ZNF251: variants seen among roughly 807,000 people sequenced by gnomAD.
The protein encoded by ZNF251 is zinc finger protein 251.
In ZNF251, 14 loss-of-function variants were observed where a neutral mutation model predicts 13.5. That is an observed-to-expected ratio of 1.04 (90% CI 0.69 to 1.63). The LOEUF (loss-of-function observed/expected upper bound fraction) is 1.63. ZNF251 is among the 40% of genes most tolerant of loss of function. The pLI, the probability that ZNF251 is intolerant of heterozygous loss-of-function variation, is 0.00. For synonymous variants in ZNF251, 287 were observed against 295.2 expected (o/e 0.97, Z 0.28); for missense variants, 764 against 834.9 (o/e 0.92, Z 1.05).
chr8:144,755,099 A>C, intron 1 of ZNF251: 1 of 1,248,828 alleles, frequency 8.0e-7, no homozygotes, highest in Admixed American at 3.8e-5. Context: ...TGCCTGGCCA[A>C]CCTGGGGCAA....
intron 4 of ZNF251, among the ~76,000 whole-genome samples, chr8:144,737,432 G>A (rs1332839707): frequency 6.6e-5 from 10 of 152,108 alleles, no homozygotes; most frequent in East Asian, 5.8e-4. Flanking sequence ...GTGTGAACCC[G>A]GGAGGTGGAG....
intron 4 of ZNF251, among the ~76,000 whole-genome samples, chr8:144,744,665 A>C (rs2130043702): frequency 6.6e-6 from 1 of 152,344 alleles, no homozygotes. Context: ...ATGTGAGGAC[A>C]CAGTGAGAAG....
intron 4 of ZNF251, 81 bp from the exon 5 acceptor site, chr8:144,723,463 T>TA: frequency 9.3e-7 from 1 of 1,073,698 alleles, no homozygotes; most frequent in Non-Finnish European, 1.2e-6. Context: ...GAAGCTCCTA[T>TA]AAACCATCAT....
intron 4 of ZNF251, among the ~76,000 whole-genome samples, chr8:144,738,876 A>G (rs1824025773): frequency 6.6e-6 from 1 of 152,168 alleles, no homozygotes; most frequent in Non-Finnish European, 1.5e-5. Context: ...CTGTTTGGGA[A>G]GAAGTTGCCT....
intron 4 of ZNF251, among the ~76,000 whole-genome samples, chr8:144,731,342 G>T (rs908316697): frequency 6.6e-6 from 1 of 152,112 alleles, no homozygotes; most frequent in Non-Finnish European, 1.5e-5. Context: ...TTCCTCAATG[G>T]TATACTGTGT....
intron 4 of ZNF251, among the ~76,000 whole-genome samples, chr8:144,751,872 T>C (rs1824709372): frequency 6.6e-6 from 1 of 152,110 alleles, no homozygotes; most frequent in South Asian, 2.1e-4. Context: ...GAAGATATAC[T>C]ATGCTAACAG....
chr8:144,746,140 C>CT (rs1386287900), intron 4 of ZNF251, among the ~76,000 whole-genome samples: 1 of 152,144 alleles, frequency 6.6e-6, no homozygotes, highest in African/African-American at 2.4e-5. Context: ...TAGATGCTCT[C>CT]TATCAACTTG....
intron 4 of ZNF251, among the ~76,000 whole-genome samples, chr8:144,748,580 C>T (rs1413861490): frequency 2.0e-5 from 3 of 150,868 alleles, no homozygotes; most frequent in African/African-American, 4.9e-5. Context: ...TTTTTCTTTG[C>T]AATGGGGTCT....
intron 4 of ZNF251, among the ~76,000 whole-genome samples, chr8:144,725,415 CGAGTAGCTGGG>C (rs1285115080): frequency 5.9e-5 from 9 of 152,010 alleles, no homozygotes; most frequent in Non-Finnish European, 1.2e-4. Flanking sequence ...TTCAGGCTCC[CGAGTAGCTGGG>C]ACTACAGGTG....
At chr8:144,738,095 A>G (rs554960800) in intron 4 of ZNF251, among the ~76,000 whole-genome samples, 17 of 152,126 alleles carry the variant, frequency 1.1e-4, no homozygotes, top group South Asian at 4.2e-4. Flanking sequence ...ATAACCTATA[A>G]AGCAACCACC....
intron 4 of ZNF251, among the ~76,000 whole-genome samples, chr8:144,732,534 CG>C (rs1448709530): frequency 6.1e-4 from 92 of 151,736 alleles, no homozygotes; most frequent in Non-Finnish European, 1.2e-3. Context: ...TGAGCCAAGC[CG>C]GGCGCGGTGG....
intron 4 of ZNF251, among the ~76,000 whole-genome samples, chr8:144,731,880 G>T (rs1231746515): frequency 6.6e-6 from 1 of 151,342 alleles, no homozygotes; most frequent in Admixed American, 6.6e-5. Flanking sequence ...GAGTCACCAT[G>T]CCCGGCCCAA....
At chr8:144,731,727 C>T (rs1823700272) in intron 4 of ZNF251, among the ~76,000 whole-genome samples, 1 of 151,950 alleles carries the variant, frequency 6.6e-6, no homozygotes, top group Non-Finnish European at 1.5e-5. Context: ...GCTGGGATTA[C>T]AGGCGTGAGC....
intron 4 of ZNF251, among the ~76,000 whole-genome samples, chr8:144,751,739 A>G (rs1824701206): frequency 6.6e-6 from 1 of 152,218 alleles, no homozygotes. Flanking sequence ...TTAAACATTA[A>G]CAGACTAAAC....
At position 144,721,660 on chromosome 8, in the gene ZNF251, T is replaced by C; in HGVS notation, c.2000A>G (p.Gln667Arg). The change falls in exon 5 of 5, where the codon CAA becomes CGA. Residue 667 changes from glutamine to arginine, a missense_variant. Transcript: ENST00000292562. ...TTTATCACATTAAAAATGTCTTTCT[T>C]GGAAAATCTTCTTGATATGAATAAA... Reference protein sequence around the residue: ...RYFIHIKKIFQERHF With the variant: ...RYFIHIKKIFRERHF The C allele has an allele frequency of 7.4e-7, 1 of 1,342,892 alleles. No homozygotes were observed. The highest frequency in any genetic ancestry group is 9.6e-7 in the Non-Finnish European group (1 of 1,037,314). The allele number at this position is 1,342,892 out of a possible 1,614,324, so 83.2% of individuals were successfully genotyped here.
At chr8:144,753,632 A>C (rs1204183678) in intron 4 of ZNF251, 51 bp downstream of exon 4, 3 of 1,466,952 alleles carry the variant, frequency 2.0e-6, no homozygotes, top group African/African-American at 1.4e-5. Flanking sequence ...GGAGCCTCTT[A>C]AGGCAGGATT....
At position 144,755,510 on chromosome 8, in the gene ZNF251, G is replaced by C. The variant is rs1052916286; in HGVS notation, c.-181C>G. ...ACAGAACCGGGTCCAGAGCCGGGGA[G>C]GGGGCGGGCTAGGATGAAGAGGGCG... On this transcript the variant is annotated 5_prime_UTR_variant, in exon 1 of 5. Transcript: ENST00000292562. 33 of 1,286,290 alleles carry C rather than the reference G, an allele frequency of 2.6e-5. No individual in the cohort carries two copies. In the East Asian group the frequency reaches 6.1e-4, roughly 24 times the overall value. The allele number at this position is 1,286,290 out of a possible 1,614,324, so 79.7% of individuals were successfully genotyped here.
In ZNF251 at chr8:144,727,041, C is replaced by T. The variant is rs116249973; in HGVS notation, c.278-3659G>A. On this transcript the variant is annotated intron_variant, in intron 4 of 4. Coordinates refer to ENST00000292562, the MANE Select transcript of ZNF251 (RefSeq NM_138367.2). ...CACTCCAGTATGGGCAACAGAGGGA[C>T]GCCCTGTCTCTGAAAAAAAATTTTT... is the stretch of plus-strand genomic sequence containing the variant. Among the ~76,000 whole-genome samples, 826 of 152,202 alleles carry T rather than the reference C, an allele frequency of 5.4e-3. 7 individuals carry two copies. Among genetic ancestry groups the T allele is most frequent in the African/African-American group, 0.019 (790 of 41,512 alleles).
intron 4 of ZNF251, among the ~76,000 whole-genome samples, chr8:144,726,248 A>G (rs1823514577): frequency 6.8e-6 from 1 of 147,616 alleles, no homozygotes. Context: ...GTATTAGAAA[A>G]TCAGGCTGGG....
Sources: allele counts gnomAD v4.1 joint callset (sites outside exome capture counted in the v4.1 genomes callset), GRCh38; gene constraint gnomAD v4.1.1; transcripts MANE v1.5; gene names NCBI Gene and HGNC (gene_info 2026-07-23, HGNC 2026-07-21).